The following PCBP3 variants were observed in gnomAD, a reference collection of about 807,000 sequenced individuals.
PCBP3 encodes poly(rC) binding protein 3, also known as poly(rC)-binding protein 3.
A neutral mutation model predicts 52.7 loss-of-function variants in PCBP3; 25 were observed. The ratio of observed to expected loss-of-function variants is 0.47; its 90% CI spans 0.35 to 0.66. The LOEUF (loss-of-function observed/expected upper bound fraction) is 0.66, where lower values mean the gene tolerates loss of function less well. PCBP3 is among the 30% of genes least tolerant of loss of function. PCBP3 has a pLI of 0.01. For synonymous variants in PCBP3, 162 were observed against 183.0 expected (o/e 0.89, Z 0.93); for missense variants, 391 against 490.3 (o/e 0.80, Z 1.91).
chr21:45,683,888 T>G (rs1214443697), intron 2 of PCBP3, among the ~76,000 whole-genome samples: 1 of 151,368 alleles, frequency 6.6e-6, no homozygotes, highest in Non-Finnish European at 1.5e-5. Flanking sequence ...ATCGTGCCAC[T>G]GCACTCCAGC....
rs573070665 is a variant in PCBP3, at chr21:45,805,090, C to T, written c.-125-44871C>T. On this transcript the variant is annotated intron_variant, in intron 4 of 17. Coordinates refer to ENST00000681687, the MANE Select transcript of PCBP3 (RefSeq NM_001384156.1). The surrounding 1 kb of genome is among the most constrained non-coding windows in gnomAD (Gnocchi z 4.6). ...TGGGGAGAGCCGTGCAGCCCCAGGC[C>T]GTGTGTGGGAAGGCCTGTGCCACTC... Among the ~76,000 whole-genome samples the T allele has an allele frequency of 6.6e-6, 1 of 152,284 alleles. No homozygotes were observed. The highest frequency in any genetic ancestry group is 2.1e-4 in the South Asian group (1 of 4,832).
rs149078526 is a variant in PCBP3 at position 45,689,068 on chromosome 21, G to A, written c.-200+20116G>A. Among the ~76,000 whole-genome samples, 744 of 151,760 alleles carry A rather than the reference G, an allele frequency of 4.9e-3. 6 individuals are homozygous for A. The highest frequency in any genetic ancestry group is 0.017 in the African/African-American group (708 of 41,386). On this transcript the variant is annotated intron_variant, in intron 2 of 17. Coordinates refer to ENST00000681687, the MANE Select transcript of PCBP3 (RefSeq NM_001384156.1). Reference sequence around the variant, plus strand: ...AGAAAATGGATGAGGGAATACTGCCGAATTTATTTAATTAGGCCAGCTTTA... The same window carrying A: ...AGAAAATGGATGAGGGAATACTGCCAAATTTATTTAATTAGGCCAGCTTTA...
intron 4 of PCBP3, among the ~76,000 whole-genome samples, chr21:45,848,787 G>A (rs2093880090): frequency 1.3e-5 from 2 of 152,210 alleles, no homozygotes; most frequent in South Asian, 4.1e-4. Context: ...TCCATTAGCT[G>A]AAGAAGTTTT....
At chr21:45,935,366 C>G in intron 16 of PCBP3, 61 bp downstream of exon 16, 2 of 1,261,752 alleles carry the variant, frequency 1.6e-6, no homozygotes, top group African/African-American at 1.5e-5. Context: ...AAGTGGCTGT[C>G]AGCTCTGCTG....
In PCBP3 at chr21:45,856,834, A is replaced by G. The variant is rs146168543; in HGVS notation, c.10+6739A>G. Among the ~76,000 whole-genome samples, 1,203 of 152,338 alleles carry G rather than the reference A, an allele frequency of 7.9e-3. 31 individuals carry two copies. Among genetic ancestry groups the G allele is most frequent in the Admixed American group, 0.052 (799 of 15,304 alleles). On this transcript the variant is annotated intron_variant, in intron 5 of 17. Transcript: ENST00000681687. ...TTTAGGGAGGCATGAGACATCAATC[A>G]AATACATTTAACAAATACATTGGTT...
At chr21:45,752,395 C>G (rs1258031864) in intron 3 of PCBP3, among the ~76,000 whole-genome samples, 1 of 151,516 alleles carries the variant, frequency 6.6e-6, no homozygotes, top group Non-Finnish European at 1.5e-5. Flanking sequence ...GATGTTTGCT[C>G]ATTGATATTC....
intron 2 of PCBP3, among the ~76,000 whole-genome samples, chr21:45,681,902 A>G (rs2081873562): frequency 6.6e-6 from 1 of 152,194 alleles, no homozygotes; most frequent in South Asian, 2.1e-4. Flanking sequence ...AAATTATCCA[A>G]TTTTTATATC....
Position 45,735,349 on chromosome 21 carries a change from A to G in PCBP3, c.-199-43A>G, listed in dbSNP as rs1046953297. ...ATTTCTGTCTCTCTTTGGAAAGCCT[A>G]TGATTTCCAATTTTAATTGTTTTTT... is the stretch of plus-strand genomic sequence containing the variant. On this transcript the variant is annotated intron_variant, in intron 2 of 17. Transcript: ENST00000681687. The surrounding 1 kb of genome is among the most constrained non-coding windows in gnomAD (Gnocchi z 4.0). The G allele has an allele frequency of 6.6e-6, 1 of 152,190 alleles. No individual in the cohort carries two copies. The highest frequency in any genetic ancestry group is 2.4e-5 in the African/African-American group (1 of 41,452). The allele number at this position is 152,190 out of a possible 1,614,324, so 9.4% of individuals were successfully genotyped here. A position where few individuals can be genotyped will look rare whatever the true frequency, so the allele number is the denominator to read the frequency against.
At chr21:45,678,952 G>C (rs1209037287) in intron 2 of PCBP3, among the ~76,000 whole-genome samples, 1 of 151,962 alleles carries the variant, frequency 6.6e-6, no homozygotes, top group African/African-American at 2.4e-5. Flanking sequence ...CTTATTTTCA[G>C]AAATTGCCAC....
chr21:45,827,433 G>A lies in PCBP3; in HGVS notation c.-125-22528G>A, dbSNP rs187536913. The stretch of plus-strand genomic sequence containing the variant: ...CCAGTTCAGCTGACAAAAGGCAATC[G>A]ACAGACACCAACACCAACACCCAGA... On this transcript the variant is annotated intron_variant, in intron 4 of 17. Transcript: ENST00000681687. This position sits in a 1 kb window ranked among gnomAD's most constrained non-coding sequence, Gnocchi z 4.3. Among the ~76,000 whole-genome samples, 1 of 152,088 alleles carries A rather than the reference G, an allele frequency of 6.6e-6. No homozygotes were observed. The highest frequency in any genetic ancestry group is 1.5e-5 in the Non-Finnish European group (1 of 68,034).
chr21:45,913,671 C>A (rs1028959609), intron 11 of PCBP3, among the ~76,000 whole-genome samples: 3 of 152,196 alleles, frequency 2.0e-5, no homozygotes, highest in African/African-American at 7.2e-5. Flanking sequence ...ATGTTCGGGG[C>A]AGGCGGTACT....
At position 45,784,474 on chromosome 21, in the gene PCBP3, C is replaced by T. The variant is rs186211503; in HGVS notation, c.-126+29022C>T. 5.0e-3 allele frequency among the ~76,000 whole-genome samples: 754 copies of T among 152,052 alleles called. 6 individuals are homozygous for T. In the Middle Eastern group the frequency reaches 0.051, roughly 10 times the overall value. ...CCTACCTCCTACCTCCTACCTCCTA[C>T]CTCTACCCTCTTTCCACTGTCTCCC... On this transcript the variant is annotated intron_variant, in intron 4 of 17. Coordinates refer to ENST00000681687, the MANE Select transcript of PCBP3 (RefSeq NM_001384156.1).
intron 9 of PCBP3, among the ~76,000 whole-genome samples, chr21:45,905,980 C>T (rs1270092782): frequency 1.3e-5 from 2 of 152,192 alleles, no homozygotes; most frequent in African/African-American, 2.4e-5. Context: ...CAGACTTCCT[C>T]GTCTCTGAAC....
chr21:45,874,759 T>C (rs1007673466), intron 5 of PCBP3, among the ~76,000 whole-genome samples: 2 of 152,194 alleles, frequency 1.3e-5, no homozygotes, highest in African/African-American at 4.8e-5. Context: ...TGATTTTCCG[T>C]TGCTGGCTGG....
chr21:45,687,371 G>A (rs1209157904), intron 2 of PCBP3, among the ~76,000 whole-genome samples: 1 of 152,168 alleles, frequency 6.6e-6, no homozygotes, highest in African/African-American at 2.4e-5. Context: ...ATATAGGTGA[G>A]CATCTATCCA....
chr21:45,793,983 GA>G (rs1416772739), intron 4 of PCBP3, among the ~76,000 whole-genome samples: 1 of 152,144 alleles, frequency 6.6e-6, no homozygotes. Context: ...TAATGGAGAG[GA>G]AAGCATCCAG....
intron 13 of PCBP3, among the ~76,000 whole-genome samples, chr21:45,929,188 GGGA>G (rs768934972): frequency 6.6e-6 from 1 of 152,216 alleles, no homozygotes. Flanking sequence ...GCCCGAGGAT[GGGA>G]GGAGAAGGGC....
intron 4 of PCBP3, among the ~76,000 whole-genome samples, chr21:45,810,843 A>G (rs1278859686): frequency 1.3e-5 from 2 of 152,166 alleles, no homozygotes; most frequent in African/African-American, 2.4e-5. Context: ...TTTAGTTTCT[A>G]TAGAGATATT....
chr21:45,936,029 T>G (rs2076859112), intron 16 of PCBP3, among the ~76,000 whole-genome samples: 1 of 152,224 alleles, frequency 6.6e-6, no homozygotes, highest in African/African-American at 2.4e-5. Flanking sequence ...GCTGCCCCAC[T>G]TACAGCTCAA....
Sources: gnomAD v4.1 joint callset for allele counts (sites outside exome capture counted in the v4.1 genomes callset) on GRCh38, gnomAD v4.1.1 for gene constraint, Gnocchi (gnomAD v3.1) non-coding constraint, MANE v1.5 for transcripts, NCBI Gene and HGNC (gene_info 2026-07-23, HGNC 2026-07-21) for gene names.